CDK5: variants seen among roughly 807,000 people sequenced by gnomAD.
CDK5 encodes the protein cyclin-dependent kinase 5.
A neutral mutation model predicts 44.6 loss-of-function variants in CDK5; 18 were observed. That is an observed-to-expected ratio of 0.40 (90% CI 0.28 to 0.60). The LOEUF (loss-of-function observed/expected upper bound fraction) is 0.60, where lower values mean the gene tolerates loss of function less well. Ranked by LOEUF, CDK5 falls within the 20% of genes least tolerant of loss-of-function variation. CDK5 has a pLI of 0.38. For synonymous variants in CDK5, 143 were observed against 152.8 expected (o/e 0.94, Z 0.47); for missense variants, 198 against 368.1 (o/e 0.54, Z 3.78).
At position 151,053,817 on chromosome 7, in the gene CDK5, T is replaced by C. The variant is rs1406510546; in HGVS notation, c.*192A>G. 8.3e-6 allele frequency: 5 copies of C among 599,090 alleles called. No homozygotes were observed. Among genetic ancestry groups the C allele is most frequent in the Non-Finnish European group, 1.5e-5 (5 of 337,762 alleles). 37.1% of individuals were successfully genotyped at this position (599,090 alleles called of 1,614,324 possible). A position where few individuals can be genotyped will look rare whatever the true frequency, so the allele number is the denominator to read the frequency against. ...CTTGACCACCACATCAACCAGACTG[T>C]GGGAAAGGAGCCAATTTATGAAATT... On this transcript the variant is annotated 3_prime_UTR_variant, in exon 12 of 12. Coordinates refer to ENST00000485972, the MANE Select transcript of CDK5 (RefSeq NM_004935.4).
rs1359201658 is a variant in CDK5 at position 151,057,294 on chromosome 7, G to A, written c.38-134C>T. ...ATTCAGGGTGAAGGTAGGTTGGTGA[G>A]CTTTGTGAGTGAGGATGTGGCAGGT... On this transcript the variant is annotated intron_variant, in intron 1 of 11. Coordinates refer to ENST00000485972, the MANE Select transcript of CDK5 (RefSeq NM_004935.4). This position sits in a 1 kb window ranked among gnomAD's most constrained non-coding sequence, Gnocchi z 5.2. The A allele has an allele frequency of 1.3e-6, 1 of 768,978 alleles. No individual in the cohort carries two copies. The highest frequency in any genetic ancestry group is 1.7e-5 in the African/African-American group (1 of 58,992). The allele number at this position is 768,978 out of a possible 1,614,324, so 47.6% of individuals were successfully genotyped here. A position where few individuals can be genotyped will look rare whatever the true frequency, so the allele number is the denominator to read the frequency against.
At position 151,056,541 on chromosome 7, in the gene CDK5, AC is replaced by A; in HGVS notation, c.312+38del. ...GTGCTTACACCGAATGCAGACTCCG[AC>A]CCCAGCCTGAGGGGTCCCCCAACAC... On this transcript the variant is annotated intron_variant, in intron 5 of 11. Transcript: ENST00000485972. The surrounding 1 kb of genome is among the most constrained non-coding windows in gnomAD (Gnocchi z 4.7). 2 of 1,592,170 alleles carry A rather than the reference AC, an allele frequency of 1.3e-6. No individual in the cohort carries two copies. Among genetic ancestry groups the A allele is most frequent in the Non-Finnish European group, 1.7e-6 (2 of 1,164,560 alleles).
rs1376258300 is a variant in CDK5 at position 151,054,709 on chromosome 7, C to T, written c.651-244G>A. 6.6e-6 allele frequency among the ~76,000 whole-genome samples: 1 copy of T among 152,342 alleles called. No individual in the cohort carries two copies. Among genetic ancestry groups the T allele is most frequent in the East Asian group, 1.9e-4 (1 of 5,186 alleles). ...GCTGTCCTAGTCCTAATGAAACAGT[C>T]CTTGCCCTGCTCCCACAAAATGTGT... On this transcript the variant is annotated intron_variant, in intron 9 of 11. Transcript: ENST00000485972. This position sits in a 1 kb window ranked among gnomAD's most constrained non-coding sequence, Gnocchi z 5.7.
rs1796856625 is a variant in CDK5, at chr7:151,054,553, G to T, written c.651-88C>A. On this transcript the variant is annotated intron_variant, in intron 9 of 11. Coordinates refer to ENST00000485972, the MANE Select transcript of CDK5 (RefSeq NM_004935.4). This position sits in a 1 kb window ranked among gnomAD's most constrained non-coding sequence, Gnocchi z 5.7. ...AGGGCCTCTTCCCCTCCTGGGGAGG[G>T]ATTCCTCATACCCACCGCCCACTTC... The T allele has an allele frequency of 3.9e-6, 5 of 1,267,130 alleles. No individual in the cohort carries two copies. The highest frequency in any genetic ancestry group is 5.6e-6 in the Non-Finnish European group (5 of 898,734). 78.5% of individuals were successfully genotyped at this position (1,267,130 alleles called of 1,614,324 possible).
rs774444285 is a variant in CDK5 at position 151,055,845 on chromosome 7, A to G, written c.316T>C (p.Phe106Leu). Reference protein sequence around the residue: ...GDLDPEIVKSFLFQLLKGLGF... With the variant: ...GDLDPEIVKSLLFQLLKGLGF... ...AGCCCTTTTAGTAGCTGGAAGAGGA[A>G]TGACTGGGAGGAGAGAGGGAGAAGG... The change falls in exon 6 of 12, where the codon TTC becomes CTC. Residue 106 changes from phenylalanine (F) to leucine (L), a missense_variant. Phe to Leu is a conservative substitution (Grantham distance 22). This residue lies in a region of CDK5 where 26 missense variants were observed against 28.2 expected (regional missense o/e 0.92). Coordinates refer to ENST00000485972, the MANE Select transcript of CDK5 (RefSeq NM_004935.4). 1 of 1,604,416 alleles carries G rather than the reference A, an allele frequency of 6.2e-7. No individual in the cohort carries two copies. The highest frequency in any genetic ancestry group is 1.1e-5 in the South Asian group (1 of 89,442).
At position 151,057,167 on chromosome 7, in the gene CDK5, G is replaced by A. The variant is rs968208361; in HGVS notation, c.38-7C>T. 1.2e-5 allele frequency: 20 copies of A among 1,611,794 alleles called. No individual in the cohort carries two copies. The highest frequency in any genetic ancestry group is 6.7e-5 in the East Asian group (3 of 44,878). ...AACACAGTTCCGTAGGTGCCTAGGG[G>A]AAGGAGGTCAGGGGTCAGGGTGAGG... On this transcript the variant is annotated splice_polypyrimidine_tract_variant and splice_region_variant and intron_variant, in intron 1 of 11. Transcript: ENST00000485972. This position sits in a 1 kb window ranked among gnomAD's most constrained non-coding sequence, Gnocchi z 5.2.
In CDK5 at chr7:151,054,186, C is replaced by A. The variant is rs1300480322; in HGVS notation, c.792+26G>T. 4 of 1,604,854 alleles carry A rather than the reference C, an allele frequency of 2.5e-6. No homozygotes were observed. The highest frequency in any genetic ancestry group is 3.4e-6 in the Non-Finnish European group (4 of 1,175,626). On this transcript the variant is annotated intron_variant, in intron 11 of 11. Coordinates refer to ENST00000485972, the MANE Select transcript of CDK5 (RefSeq NM_004935.4). The surrounding 1 kb of genome is among the most constrained non-coding windows in gnomAD (Gnocchi z 5.7). ...TAGTCCCACTGGGCAAGTGTCCTGACCCACCCTCTACCCCTGGTCACCTAC... is the reference window on the plus strand; with the variant it reads ...TAGTCCCACTGGGCAAGTGTCCTGAACCACCCTCTACCCCTGGTCACCTAC...
In CDK5 at chr7:151,057,369, G is replaced by T. The variant is rs1796921234; in HGVS notation, c.38-209C>A. The T allele has an allele frequency of 3.3e-6, 2 of 612,316 alleles. No homozygotes were observed. Among genetic ancestry groups the T allele is most frequent in the Non-Finnish European group, 5.8e-6 (2 of 342,838 alleles). The allele number at this position is 612,316 out of a possible 1,614,324, so 37.9% of individuals were successfully genotyped here. A position where few individuals can be genotyped will look rare whatever the true frequency, so the allele number is the denominator to read the frequency against. ...CGAGGCTCCAGGGGCTCGGCAGGAG[G>T]GGCGAGTGCGGTTGCCAGGGCAAGG... is the stretch of plus-strand genomic sequence containing the variant. On this transcript the variant is annotated intron_variant, in intron 1 of 11. Coordinates refer to ENST00000485972, the MANE Select transcript of CDK5 (RefSeq NM_004935.4). This position sits in a 1 kb window ranked among gnomAD's most constrained non-coding sequence, Gnocchi z 5.2.
At position 151,053,928 on chromosome 7, in the gene CDK5, A is replaced by T; in HGVS notation, c.*81T>A. The T allele has an allele frequency of 8.0e-7, 1 of 1,253,852 alleles. No homozygotes were observed. The highest frequency in any genetic ancestry group is 1.1e-6 in the Non-Finnish European group (1 of 892,750). The allele number at this position is 1,253,852 out of a possible 1,614,324, so 77.7% of individuals were successfully genotyped here. A position where few individuals can be genotyped will look rare whatever the true frequency, so the allele number is the denominator to read the frequency against. ...CAGCACTGCTGGAGCACAGCGCACC[A>T]GGCACCCCCACTGTCTCACCCCTCT... On this transcript the variant is annotated 3_prime_UTR_variant, in exon 12 of 12. Transcript: ENST00000485972.
rs1489281404 is a variant in CDK5 at position 151,056,765 on chromosome 7, GCTT to G, written c.223_225del (p.Lys75del). 1 of 1,612,796 alleles carries G rather than the reference GCTT, an allele frequency of 6.2e-7. No homozygotes were observed. On this transcript the variant is annotated inframe_deletion, in exon 4 of 12. Transcript: ENST00000485972. The surrounding 1 kb of genome is among the most constrained non-coding windows in gnomAD (Gnocchi z 4.7). ...TCACAGAATTCAAAAACCAAAGTCA[GCTT>G]CTTGTCGCTGTGCAGGACGTCATGA...
At position 151,057,023 on chromosome 7, in the gene CDK5, C is replaced by T; in HGVS notation, c.127-48G>A. On this transcript the variant is annotated intron_variant, in intron 2 of 11. Transcript: ENST00000485972. This position sits in a 1 kb window ranked among gnomAD's most constrained non-coding sequence, Gnocchi z 5.2. ...GGGCAGCAGTCAGATCCCACCCAGCCCAGGCCCTCAAACCCCTCCCCAGGC... is the reference window on the plus strand; with the variant it reads ...GGGCAGCAGTCAGATCCCACCCAGCTCAGGCCCTCAAACCCCTCCCCAGGC... The T allele has an allele frequency of 5.0e-6, 8 of 1,613,670 alleles. No individual in the cohort carries two copies. Among genetic ancestry groups the T allele is most frequent in the Non-Finnish European group, 5.9e-6 (7 of 1,179,620 alleles).
chr7:151,054,473 C>T lies in CDK5; in HGVS notation c.651-8G>A, dbSNP rs753809198. 1.7e-5 allele frequency: 28 copies of T among 1,610,124 alleles called. No homozygotes were observed. The African/African-American group carries it at 2.3e-4, about 13-fold the overall frequency. On this transcript the variant is annotated splice_region_variant and splice_polypyrimidine_tract_variant and intron_variant, in intron 9 of 11. Coordinates refer to ENST00000485972, the MANE Select transcript of CDK5 (RefSeq NM_004935.4). The surrounding 1 kb of genome is among the most constrained non-coding windows in gnomAD (Gnocchi z 5.7). The stretch of plus-strand genomic sequence containing the variant: ...GTGGGCGTCCCCAGCAGTGTGTCCA[C>T]GGAGTCAAGGATCACTTGGGAAAGG...
Position 151,057,058 on chromosome 7 carries a change from C to T in CDK5, c.126+14G>A. ...AAACCCCTCCCCAGGCCGTATCCCA[C>T]TCCCCAGTCCTACCTCATCATCGTC... On this transcript the variant is annotated intron_variant, in intron 2 of 11. Coordinates refer to ENST00000485972, the MANE Select transcript of CDK5 (RefSeq NM_004935.4). The surrounding 1 kb of genome is among the most constrained non-coding windows in gnomAD (Gnocchi z 5.2). 6.2e-7 allele frequency: 1 copy of T among 1,613,630 alleles called. No homozygotes were observed. The highest frequency in any genetic ancestry group is 2.2e-5 in the East Asian group (1 of 44,870).
Position 151,057,022 on chromosome 7 carries a change from C to T in CDK5, c.127-47G>A. On this transcript the variant is annotated intron_variant, in intron 2 of 11. Coordinates refer to ENST00000485972, the MANE Select transcript of CDK5 (RefSeq NM_004935.4). The surrounding 1 kb of genome is among the most constrained non-coding windows in gnomAD (Gnocchi z 5.2). The stretch of plus-strand genomic sequence containing the variant: ...TGGGCAGCAGTCAGATCCCACCCAG[C>T]CCAGGCCCTCAAACCCCTCCCCAGG... The T allele has an allele frequency of 6.2e-7, 1 of 1,613,474 alleles. No individual in the cohort carries two copies. The highest frequency in any genetic ancestry group is 8.5e-7 in the Non-Finnish European group (1 of 1,179,468).
Position 151,057,640 on chromosome 7 carries a change from AACACGGGGAAGACTGGTGTCT to A in CDK5, c.37+151_37+171del, listed in dbSNP as rs1796927003. 2 of 746,580 alleles carry A rather than the reference AACACGGGGAAGACTGGTGTCT, an allele frequency of 2.7e-6. No individual in the cohort carries two copies. Among genetic ancestry groups the A allele is most frequent in the Non-Finnish European group, 4.6e-6 (2 of 430,310 alleles). The allele number at this position is 746,580 out of a possible 1,614,324, so 46.2% of individuals were successfully genotyped here. On this transcript the variant is annotated intron_variant, in intron 1 of 11. Transcript: ENST00000485972. This position sits in a 1 kb window ranked among gnomAD's most constrained non-coding sequence, Gnocchi z 5.2. The stretch of plus-strand genomic sequence containing the variant: ...GAGTGAGAGCCCTGCGGGAAATGCT[AACACGGGGAAGACTGGTGTCT>A]GCACGGAGTGCTGAGCTAGGGGGCC...
rs1796857499 is a variant in CDK5, at chr7:151,054,586, C to T, written c.651-121G>A. The T allele has an allele frequency of 2.2e-6, 2 of 925,104 alleles. No individual in the cohort carries two copies. The highest frequency in any genetic ancestry group is 2.6e-5 in the East Asian group (1 of 38,582). 57.3% of individuals were successfully genotyped at this position (925,104 alleles called of 1,614,324 possible). A position where few individuals can be genotyped will look rare whatever the true frequency, so the allele number is the denominator to read the frequency against. On this transcript the variant is annotated intron_variant, in intron 9 of 11. Transcript: ENST00000485972. The surrounding 1 kb of genome is among the most constrained non-coding windows in gnomAD (Gnocchi z 5.7). ...ATACCCACCGCCCACTTCTCACCCT[C>T]CCTTTACCCTCCGGCTTGAGCTTGA...
At chr7:151,055,628 C>T (rs1169147469) in intron 6 of CDK5, 22 bp from the exon 7 acceptor site, 2 of 1,609,980 alleles carry the variant, frequency 1.2e-6, no homozygotes, top group Admixed American at 1.7e-5. Context: ...GGGAAGGGGA[C>T]ATGGAGAAGG....
In CDK5 at chr7:151,057,078, A is replaced by G. The variant is rs760261892; in HGVS notation, c.120T>C (p.Asp40=). The change falls in exon 2 of 12, where the codon GAT becomes GAC. Residue 40 remains aspartate, a synonymous_variant. Transcript: ENST00000485972. The surrounding 1 kb of genome is among the most constrained non-coding windows in gnomAD (Gnocchi z 5.2). ...TCCCACTCCCCAGTCCTACCTCATC[A>G]TCGTCATCCAGCCTCACCCGTTTCA... ...VALKRVRLDD[D]DEGVPSSALR... 1.4e-5 allele frequency: 23 copies of G among 1,613,572 alleles called. No individual in the cohort carries two copies. Among genetic ancestry groups the G allele is most frequent in the Non-Finnish European group, 1.9e-5 (22 of 1,179,832 alleles).
Position 151,054,068 on chromosome 7 carries a change from G to A in CDK5, c.820C>T (p.Arg274Cys), listed in dbSNP as rs781221793. The A allele has an allele frequency of 2.5e-6, 4 of 1,602,158 alleles. No homozygotes were observed. The highest frequency in any genetic ancestry group is 2.3e-5 in the South Asian group (2 of 88,876). ...TGCAGGGCCTCTTCTGCTGAGATAC[G>A]CTGGACAGGGTTACACTTCAGAAGG... ...QNLLKCNPVQ[R>C]ISAEEALQHP... is the part of the protein sequence containing the mutation. The change falls in exon 12 of 12, where the codon CGT (arginine) becomes TGT (cysteine). Residue 274 changes from arginine to cysteine, a missense_variant. Physicochemically the swap from Arg to Cys is radical, Grantham distance 180 (BLOSUM62 -3). Coordinates refer to ENST00000485972, the MANE Select transcript of CDK5 (RefSeq NM_004935.4). The surrounding 1 kb of genome is among the most constrained non-coding windows in gnomAD (Gnocchi z 5.7).
Sources: gnomAD v4.1 joint callset for allele counts (sites outside exome capture counted in the v4.1 genomes callset) on GRCh38, gnomAD v4.1.1 for gene constraint, gnomAD v4.1.1 regional missense constraint, Gnocchi (gnomAD v3.1) non-coding constraint, MANE v1.5 for transcripts, NCBI Gene and HGNC (gene_info 2026-07-23, HGNC 2026-07-21) for gene names.